Variants in RERG observed in about 807,000 individuals in gnomAD.
RERG encodes RAS like estrogen regulated growth inhibitor.
In RERG, 25 loss-of-function variants were observed where a neutral mutation model predicts 23.2. The ratio of observed to expected loss-of-function variants is 1.08; its 90% confidence interval spans 0.79 to 1.50. RERG has a LOEUF of 1.50. RERG is among the 40% of genes most tolerant of loss of function. The probability of loss-of-function intolerance (pLI) is 0.00; values close to 1 mark genes in which losing one functional copy is unlikely to be tolerated. For synonymous variants in RERG, 81 were observed against 89.1 expected (o/e 0.91, Z 0.51); for missense variants, 253 against 250.1 (o/e 1.01, Z -0.08).
intron 2 of RERG, among the ~76,000 whole-genome samples, chr12:15,140,490 TTCTC>T (rs1258601467): frequency 6.8e-6 from 1 of 146,712 alleles, no homozygotes; most frequent in East Asian, 1.9e-4. Flanking sequence ...TATTTATTCT[TTCTC>T]TATTGTTTTT....
chr12:15,130,796 T>G (rs1864032572), intron 2 of RERG, among the ~76,000 whole-genome samples: 2 of 152,220 alleles, frequency 1.3e-5, no homozygotes, highest in Non-Finnish European at 2.9e-5. Flanking sequence ...ATCAGTTCTC[T>G]GTACAAATCA....
chr12:15,214,208 T>C (rs1212503318), intron 2 of RERG, among the ~76,000 whole-genome samples: 1 of 152,178 alleles, frequency 6.6e-6, no homozygotes, highest in Non-Finnish European at 1.5e-5. Flanking sequence ...GCATTTGCAA[T>C]GTGCCAGGAA....
intron 2 of RERG, among the ~76,000 whole-genome samples, chr12:15,200,659 G>C (rs967212802): frequency 1.3e-5 from 2 of 151,874 alleles, no homozygotes; most frequent in Admixed American, 6.6e-5. Context: ...TTGTATTTTA[G>C]TGAAGAATAA....
intron 2 of RERG, among the ~76,000 whole-genome samples, chr12:15,215,444 C>A (rs979949437): frequency 2.6e-5 from 4 of 151,810 alleles, no homozygotes; most frequent in African/African-American, 7.3e-5. Flanking sequence ...GTCATGGGAG[C>A]CTGGGAAGGA....
At chr12:15,137,491 G>A (rs1864163121) in intron 2 of RERG, among the ~76,000 whole-genome samples, 1 of 151,110 alleles carries the variant, frequency 6.6e-6, no homozygotes, top group Non-Finnish European at 1.5e-5. Flanking sequence ...GGTTTTACCT[G>A]CGCATTTTAT....
chr12:15,176,292 CAG>C (rs1168212122), intron 2 of RERG, among the ~76,000 whole-genome samples: 1 of 152,088 alleles, frequency 6.6e-6, no homozygotes, highest in African/African-American at 2.4e-5. Context: ...TATTAATTTA[CAG>C]AGTGTGACAG....
At chr12:15,185,435 G>T (rs937308285) in intron 2 of RERG, among the ~76,000 whole-genome samples, 2 of 152,038 alleles carry the variant, frequency 1.3e-5, no homozygotes, top group Admixed American at 1.3e-4. Flanking sequence ...GAGCAGAGTG[G>T]CTACCTGCTC....
chr12:15,126,392 G>T (rs1863942874), intron 2 of RERG, among the ~76,000 whole-genome samples: 2 of 151,852 alleles, frequency 1.3e-5, no homozygotes, highest in African/African-American at 4.8e-5. Flanking sequence ...CACACGTGAT[G>T]TGCTAACACA....
At chr12:15,121,162 T>TTA (rs1363176869) in intron 2 of RERG, 43 bp from the exon 3 acceptor site, 1 of 1,500,890 alleles carries the variant, frequency 6.7e-7, no homozygotes, top group African/African-American at 1.4e-5. Flanking sequence ...AATTTGTTAA[T>TTA]TTGCTTAGCA....
chr12:15,129,725 T>G (rs1234387249), intron 2 of RERG, among the ~76,000 whole-genome samples: 1 of 151,954 alleles, frequency 6.6e-6, no homozygotes, highest in Admixed American at 6.5e-5. Context: ...TAGAGTGGCA[T>G]GTAGGGGGAG....
intron 4 of RERG, 187 bp downstream of exon 4, chr12:15,111,157 G>A (rs1863605946): frequency 2.0e-6 from 1 of 491,358 alleles, no homozygotes; most frequent in Non-Finnish European, 3.6e-6. Context: ...ACACTGGGCA[G>A]TTTATATAAG....
chr12:15,186,309 C>T (rs1160371114), intron 2 of RERG, among the ~76,000 whole-genome samples: 5 of 151,780 alleles, frequency 3.3e-5, no homozygotes, highest in African/African-American at 4.8e-5. Flanking sequence ...TCCTGTTCAG[C>T]ATTTATAGCA....
chr12:15,113,897 T>C (rs1863669847), intron 3 of RERG, among the ~76,000 whole-genome samples: 1 of 152,008 alleles, frequency 6.6e-6, no homozygotes, highest in Non-Finnish European at 1.5e-5. Context: ...TATAATACTA[T>C]ATAACATTAC....
chr12:15,195,376 G>A (rs1454655361), intron 2 of RERG, among the ~76,000 whole-genome samples: 7 of 152,122 alleles, frequency 4.6e-5, no homozygotes, highest in African/African-American at 1.4e-4. Flanking sequence ...CCTGATTAGG[G>A]AACGAAGAGT....
At chr12:15,143,029 A>C (rs778573767) in intron 2 of RERG, among the ~76,000 whole-genome samples, 1 of 152,198 alleles carries the variant, frequency 6.6e-6, no homozygotes, top group Admixed American at 6.5e-5. Flanking sequence ...CCTTCTTTCA[A>C]GTCCAAAGGA....
intron 2 of RERG, among the ~76,000 whole-genome samples, chr12:15,121,820 C>T (rs1863837210): frequency 6.6e-6 from 1 of 152,074 alleles, no homozygotes; most frequent in African/African-American, 2.4e-5. Context: ...AGTTAGTGGC[C>T]TGCTAAGGAT....
intron 2 of RERG, among the ~76,000 whole-genome samples, chr12:15,149,602 G>A (rs1194093087): frequency 6.6e-6 from 1 of 152,196 alleles, no homozygotes. Flanking sequence ...TTCTATAGAA[G>A]AGGGTGGAGA....
At chr12:15,185,157 C>A (rs529583862) in intron 2 of RERG, among the ~76,000 whole-genome samples, 1 of 152,094 alleles carries the variant, frequency 6.6e-6, no homozygotes, top group Admixed American at 6.6e-5. Flanking sequence ...AGATTAATTG[C>A]CACAATTGTC....
intron 2 of RERG, among the ~76,000 whole-genome samples, chr12:15,178,441 G>A (rs1357545500): frequency 1.3e-5 from 2 of 152,118 alleles, no homozygotes; most frequent in African/African-American, 4.8e-5. Flanking sequence ...ACACTATCTA[G>A]GGAGAAGTCC....
Sources: gnomAD v4.1 joint callset for allele counts (sites outside exome capture counted in the v4.1 genomes callset) on GRCh38, gnomAD v4.1.1 for gene constraint, MANE v1.5 for transcripts, NCBI Gene and HGNC (gene_info 2026-07-23, HGNC 2026-07-21) for gene names.